Variants in MACROD2 observed in about 807,000 individuals in gnomAD.
The protein encoded by MACROD2 is ADP-ribose glycohydrolase MACROD2.
A neutral mutation model predicts 70.4 loss-of-function variants in MACROD2; 36 were observed. The observed-to-expected ratio is 0.51, with a 90% CI of 0.39 to 0.68. The LOEUF (loss-of-function observed/expected upper bound fraction) is 0.68. MACROD2 is among the 30% of genes least tolerant of loss of function. The pLI is 0.00. For synonymous variants in MACROD2, 172 were observed against 178.8 expected, an observed-to-expected ratio of 0.96 and a Z score of 0.30; for missense variants, 496 against 538.4, an observed-to-expected ratio of 0.92 and a Z score of 0.78.
intron 5 of MACROD2, among the ~76,000 whole-genome samples, chr20:14,723,903 T>G (rs2071498362): frequency 1.3e-5 from 2 of 152,140 alleles, no homozygotes; most frequent in Non-Finnish European, 2.9e-5. Flanking sequence ...TCTATTGTAA[T>G]CTGGAGTCTT....
chr20:15,755,275 C>A (rs555260169), intron 8 of MACROD2, among the ~76,000 whole-genome samples: 1 of 152,126 alleles, frequency 6.6e-6, no homozygotes, highest in South Asian at 2.1e-4. Context: ...ATCAGAATTC[C>A]CCATGGTGCA....
intron 8 of MACROD2, 37 bp from the exon 9 acceptor site, chr20:15,862,708 T>G: frequency 1.5e-5 from 23 of 1,553,566 alleles, no homozygotes; most frequent in Non-Finnish European, 2.0e-5. Context: ...ATTGCCATAT[T>G]TTTTTTCACT....
intron 8 of MACROD2, among the ~76,000 whole-genome samples, chr20:15,626,453 C>A (rs927285954): frequency 2.6e-5 from 4 of 152,200 alleles, no homozygotes; most frequent in African/African-American, 9.7e-5. Context: ...GTAAATTCAG[C>A]TCATTCTAGC....
chr20:14,000,953 T>G (rs2052726415), intron 1 of MACROD2, among the ~76,000 whole-genome samples: 1 of 152,224 alleles, frequency 6.6e-6, no homozygotes, highest in East Asian at 1.9e-4. Flanking sequence ...TTAGTTATAG[T>G]ATTCATACCT....
chr20:15,385,589 C>T (rs2045702236), intron 6 of MACROD2, among the ~76,000 whole-genome samples: 1 of 152,148 alleles, frequency 6.6e-6, no homozygotes, highest in Non-Finnish European at 1.5e-5. Context: ...TGAGACCTGT[C>T]TCAGTGTCCT....
chr20:14,927,995 A>G (rs2074253841), intron 5 of MACROD2, among the ~76,000 whole-genome samples: 1 of 152,202 alleles, frequency 6.6e-6, no homozygotes, highest in Admixed American at 6.5e-5. Context: ...GAGACTTTTA[A>G]TTTGACTCCA....
intron 6 of MACROD2, among the ~76,000 whole-genome samples, chr20:15,253,583 G>A (rs10485519): frequency 0.11 from 16,775 of 152,172 alleles, 1,197 homozygotes; most frequent in African/African-American, 0.19. Flanking sequence ...AGTTATGATC[G>A]TGGAGGCTAC....
chr20:15,714,018 C>CACAG (rs1399467326), intron 8 of MACROD2, among the ~76,000 whole-genome samples: 1 of 151,516 alleles, frequency 6.6e-6, no homozygotes, highest in Non-Finnish European at 1.5e-5. Context: ...CACACACACA[C>CACAG]ACACACACAC....
intron 6 of MACROD2, among the ~76,000 whole-genome samples, chr20:15,296,297 A>AG (rs2077588020): frequency 6.6e-6 from 1 of 152,158 alleles, no homozygotes; most frequent in African/African-American, 2.4e-5. Context: ...ATTAGAAGAG[A>AG]GGGGGATAGA....
At chr20:15,643,315 C>T (rs1288242043) in intron 8 of MACROD2, among the ~76,000 whole-genome samples, 2 of 152,226 alleles carry the variant, frequency 1.3e-5, no homozygotes, top group African/African-American at 2.4e-5. Flanking sequence ...TTACCCTCTT[C>T]GTCACCTGGA....
chr20:14,419,976 A>G (rs955125220), intron 3 of MACROD2, among the ~76,000 whole-genome samples: 1 of 152,036 alleles, frequency 6.6e-6, no homozygotes, highest in Admixed American at 6.5e-5. Context: ...AAAATTTGCT[A>G]TTAGAAATAA....
intron 4 of MACROD2, among the ~76,000 whole-genome samples, chr20:14,601,571 G>A (rs1216787129): frequency 6.6e-6 from 1 of 151,888 alleles, no homozygotes; most frequent in Non-Finnish European, 1.5e-5. Context: ...CAAACTTTCA[G>A]GTTAAATAAA....
intron 3 of MACROD2, among the ~76,000 whole-genome samples, chr20:14,462,289 G>A (rs2084382016): frequency 6.6e-6 from 1 of 152,114 alleles, no homozygotes. Context: ...GACCAGTGAT[G>A]ATGAGCATTT....
chr20:14,446,001 T>C (rs1406033693), intron 3 of MACROD2, among the ~76,000 whole-genome samples: 1 of 152,112 alleles, frequency 6.6e-6, no homozygotes, highest in Non-Finnish European at 1.5e-5. Flanking sequence ...TTTGTGACTA[T>C]ACATCCACTA....
At chr20:15,290,441 G>T (rs1300754634) in intron 6 of MACROD2, among the ~76,000 whole-genome samples, 1 of 152,150 alleles carries the variant, frequency 6.6e-6, no homozygotes, top group Non-Finnish European at 1.5e-5. Flanking sequence ...GCAGACTTGG[G>T]CGACAGTGGT....
At chr20:14,163,030 T>C (rs998980378) in intron 3 of MACROD2, among the ~76,000 whole-genome samples, 2 of 152,154 alleles carry the variant, frequency 1.3e-5, no homozygotes, top group African/African-American at 4.8e-5. Flanking sequence ...TATTTGTGTT[T>C]GCTTCACCAG....
At chr20:14,577,031 G>C (rs1465870859) in intron 4 of MACROD2, among the ~76,000 whole-genome samples, 1 of 152,092 alleles carries the variant, frequency 6.6e-6, no homozygotes, top group Non-Finnish European at 1.5e-5. Flanking sequence ...GCCTCATTTG[G>C]AGATAAATCT....
intron 3 of MACROD2, among the ~76,000 whole-genome samples, chr20:14,279,861 C>T (rs191018696): frequency 4.6e-5 from 7 of 152,130 alleles, no homozygotes; most frequent in Admixed American, 3.9e-4. Context: ...ATGGCACTAA[C>T]GCGGAAACAT....
At chr20:14,986,657 A>G (rs1033943284) in intron 5 of MACROD2, among the ~76,000 whole-genome samples, 5 of 152,166 alleles carry the variant, frequency 3.3e-5, no homozygotes, top group African/African-American at 1.2e-4. Context: ...AAAAAATCTT[A>G]CTGTGAGCCT....
Sources: allele counts gnomAD v4.1 joint callset (sites outside exome capture counted in the v4.1 genomes callset), GRCh38; gene constraint gnomAD v4.1.1; transcripts MANE v1.5; gene names NCBI Gene and HGNC (gene_info 2026-07-23, HGNC 2026-07-21).